CEP70: variants seen among roughly 807,000 people sequenced by gnomAD.
CEP70 encodes centrosomal protein 70.
CEP70 carries 70 observed loss-of-function variants against 90.9 expected under a neutral mutation model. That is an observed-to-expected ratio of 0.77 (90% CI 0.64 to 0.94). CEP70 has a LOEUF of 0.94. CEP70 is among the 40% of genes least tolerant of loss of function. CEP70 has a pLI of 0.00. For synonymous variants in CEP70, 220 were observed against 228.3 expected (o/e 0.96, Z 0.33); for missense variants, 648 against 669.0 (o/e 0.97, Z 0.35).
chr3:138,523,240 T>C (rs562127508), intron 11 of CEP70, among the ~76,000 whole-genome samples: 6 of 152,308 alleles, frequency 3.9e-5, no homozygotes, highest in African/African-American at 1.2e-4. Context: ...TAATAAGAGC[T>C]ATTTATGACA....
At chr3:138,515,229 T>A (rs527480919) in intron 11 of CEP70, among the ~76,000 whole-genome samples, 1 of 152,220 alleles carries the variant, frequency 6.6e-6, no homozygotes, top group South Asian at 2.1e-4. Flanking sequence ...ATATATAACC[T>A]TGTTGTCTGT....
chr3:138,532,497 T>C lies in CEP70; in HGVS notation c.692+17A>G. 1.3e-6 allele frequency: 2 copies of C among 1,489,366 alleles called. No homozygotes were observed. The highest frequency in any genetic ancestry group is 1.8e-4 in the Middle Eastern group (1 of 5,524). The allele number at this position is 1,489,366 out of a possible 1,614,324, so 92.3% of individuals were successfully genotyped here. ...GGATTAAAACCTTTAAAAACTGTAA[T>C]ACAGGATTACTCGTACCTTTGTGTA... On this transcript the variant is annotated intron_variant, in intron 8 of 17. Transcript: ENST00000264982.
At chr3:138,580,789 C>T (rs2041810865) in intron 2 of CEP70, among the ~76,000 whole-genome samples, 1 of 152,058 alleles carries the variant, frequency 6.6e-6, no homozygotes, top group South Asian at 2.1e-4. Flanking sequence ...ATAAGGAATT[C>T]AGGATCCTAT....
At chr3:138,579,900 A>G (rs989829859) in intron 2 of CEP70, among the ~76,000 whole-genome samples, 1 of 152,016 alleles carries the variant, frequency 6.6e-6, no homozygotes, top group African/African-American at 2.4e-5. Context: ...GGGGAAGAGC[A>G]TTAAGAAAGC....
At chr3:138,570,225 A>G (rs1049550055) in intron 6 of CEP70, 93 bp downstream of exon 6, 6 of 786,098 alleles carry the variant, frequency 7.6e-6, no homozygotes, top group Non-Finnish European at 1.2e-5. Flanking sequence ...AAAGGTAAAA[A>G]CCACTGAATC....
chr3:138,569,811 T>A (rs2041041264), intron 6 of CEP70, among the ~76,000 whole-genome samples: 1 of 152,212 alleles, frequency 6.6e-6, no homozygotes, highest in Non-Finnish European at 1.5e-5. Context: ...GAGGTTGCAC[T>A]GGGCTGTGAT....
intron 10 of CEP70, among the ~76,000 whole-genome samples, chr3:138,528,724 G>T (rs1189308188): frequency 7.2e-6 from 1 of 139,318 alleles, no homozygotes; most frequent in Non-Finnish European, 1.5e-5. Flanking sequence ...GAGGATGGTG[G>T]CTCATACCTG....
chr3:138,581,566 A>G (rs2041856754), intron 2 of CEP70, among the ~76,000 whole-genome samples: 1 of 151,592 alleles, frequency 6.6e-6, no homozygotes, highest in South Asian at 2.1e-4. Context: ...AGCCAGGTGC[A>G]GTGGCACACG....
At chr3:138,559,141 A>C (rs948840714) in intron 6 of CEP70, among the ~76,000 whole-genome samples, 4 of 152,192 alleles carry the variant, frequency 2.6e-5, no homozygotes, top group Non-Finnish European at 4.4e-5. Flanking sequence ...AAATTCTAAA[A>C]CTAAAAAATA....
intron 11 of CEP70, among the ~76,000 whole-genome samples, chr3:138,520,956 G>A (rs2036560173): frequency 6.6e-6 from 1 of 152,164 alleles, no homozygotes; most frequent in Non-Finnish European, 1.5e-5. Context: ...TTGCAGGTGT[G>A]CGCTGCCACG....
At chr3:138,512,528 A>C (rs1409451658) in intron 11 of CEP70, among the ~76,000 whole-genome samples, 2 of 152,190 alleles carry the variant, frequency 1.3e-5, no homozygotes, top group Non-Finnish European at 2.9e-5. Context: ...TACAGTATCC[A>C]GAGCAGTCAG....
intron 2 of CEP70, among the ~76,000 whole-genome samples, chr3:138,573,940 T>C (rs978784951): frequency 3.3e-5 from 5 of 152,116 alleles, no homozygotes; most frequent in African/African-American, 9.7e-5. Flanking sequence ...AACAAGACTA[T>C]AATGATGCAT....
intron 11 of CEP70, among the ~76,000 whole-genome samples, chr3:138,523,820 A>G (rs1009927702): frequency 6.6e-6 from 1 of 152,132 alleles, no homozygotes; most frequent in Non-Finnish European, 1.5e-5. Flanking sequence ...TATAGATTCA[A>G]TGCCATCCCC....
intron 12 of CEP70, among the ~76,000 whole-genome samples, chr3:138,508,045 T>C (rs1280431917): frequency 6.6e-6 from 1 of 152,018 alleles, no homozygotes. Flanking sequence ...GAAAATTAAA[T>C]TTCAGATGAA....
At chr3:138,530,199 G>A (rs1334115350) in intron 8 of CEP70, among the ~76,000 whole-genome samples, 2 of 152,124 alleles carry the variant, frequency 1.3e-5, no homozygotes, top group Non-Finnish European at 2.9e-5. Context: ...CTTAACACTT[G>A]AAATACGGGT....
chr3:138,559,781 A>T (rs2040268686), intron 6 of CEP70, among the ~76,000 whole-genome samples: 1 of 152,198 alleles, frequency 6.6e-6, no homozygotes, highest in African/African-American at 2.4e-5. Context: ...GTAGTCAGAG[A>T]TATTATAAAT....
intron 11 of CEP70, among the ~76,000 whole-genome samples, chr3:138,520,804 G>C (rs867100475): frequency 3.3e-5 from 5 of 151,882 alleles, no homozygotes; most frequent in East Asian, 1.9e-4. Context: ...CCCTTTTCAC[G>C]GTCTCCCCCT....
chr3:138,540,708 C>T (rs1370370019), intron 6 of CEP70, among the ~76,000 whole-genome samples: 3 of 152,146 alleles, frequency 2.0e-5, no homozygotes, highest in Non-Finnish European at 4.4e-5. Context: ...GAGCTAAAAG[C>T]AGAACTACCA....
At position 138,505,324 on chromosome 3, in the gene CEP70, T is replaced by G. The variant is rs372470302; in HGVS notation, c.1192A>C (p.Met398Leu). ...GFEHLVPVIEMWADQLTSLKD... is the reference protein window; with the variant it reads ...GFEHLVPVIELWADQLTSLKD... ...AAGGATGTCAGTTGATCTGCCCACA[T>G]TTCTATTACAGGAACAAGATGCTCA... Residue 398 changes from methionine to leucine, a missense_variant, in exon 13 of 18, where the codon ATG (methionine) becomes CTG (leucine). Transcript: ENST00000264982. 1.3e-4 allele frequency: 208 copies of G among 1,611,358 alleles called. 1 individual carries two copies. The highest frequency in any genetic ancestry group is 1.2e-4 in the Non-Finnish European group (137 of 1,178,970).
Sources: allele counts gnomAD v4.1 joint callset (sites outside exome capture counted in the v4.1 genomes callset), GRCh38; gene constraint gnomAD v4.1.1; transcripts MANE v1.5; gene names NCBI Gene and HGNC (gene_info 2026-07-23, HGNC 2026-07-21).